Variants in HNF4G observed in about 807,000 individuals in gnomAD.
The protein encoded by HNF4G is hepatocyte nuclear factor 4-gamma.
Under a neutral mutation model 50.9 loss-of-function variants are expected in HNF4G, and 21 were observed. The ratio of observed to expected loss-of-function variants is 0.41; its 90% CI spans 0.29 to 0.59. The LOEUF is 0.59. Among genes scored for constraint, HNF4G ranks in the 20% least tolerant of loss-of-function variants. HNF4G has a pLI of 0.26. For missense variants in HNF4G, 527 were observed against 559.4 expected, an observed-to-expected ratio of 0.94 and a Z score of 0.58; for synonymous variants, 198 against 185.6, an observed-to-expected ratio of 1.07 and a Z score of -0.54.
At chr8:75,476,190 TGG>T (rs144999715) in intron 1 of HNF4G, among the ~76,000 whole-genome samples, 5,667 of 152,286 alleles carry the variant, frequency 0.037, 130 homozygotes, top group South Asian at 0.055. Context: ...TTAGAACATG[TGG>T]TATTTGATTT....
intron 2 of HNF4G, among the ~76,000 whole-genome samples, chr8:75,520,497 A>C (rs1806011362): frequency 6.6e-6 from 1 of 151,972 alleles, no homozygotes; most frequent in Admixed American, 6.6e-5. Context: ...GAGTACAGTG[A>C]AATGATCTTG....
intron 2 of HNF4G, among the ~76,000 whole-genome samples, chr8:75,503,976 T>C (rs1017697480): frequency 6.6e-6 from 1 of 152,006 alleles, no homozygotes; most frequent in Non-Finnish European, 1.5e-5. Flanking sequence ...ATTCTGGGTG[T>C]ATTGGGAGGC....
At chr8:75,484,938 TACAG>T (rs1232115453) in intron 1 of HNF4G, among the ~76,000 whole-genome samples, 2 of 152,244 alleles carry the variant, frequency 1.3e-5, no homozygotes, top group African/African-American at 4.8e-5. Flanking sequence ...GCCAGAGTTA[TACAG>T]TAGGCGGACA....
At chr8:75,559,129 C>G in intron 8 of HNF4G, 92 bp downstream of exon 8, 1 of 855,132 alleles carries the variant, frequency 1.2e-6, no homozygotes, top group Non-Finnish European at 1.9e-6. Context: ...TTTAATTCAT[C>G]TACTGAAGTT....
rs138203385 is a variant in HNF4G, at chr8:75,564,066, C to T, written c.1338C>T (p.His446=). 7.1e-5 allele frequency: 115 copies of T among 1,613,388 alleles called. No homozygotes were observed. The highest frequency in any genetic ancestry group is 9.5e-5 in the Non-Finnish European group (112 of 1,179,574). ...IAANQASVIS[H]QHLSKQKQL is the part of the protein sequence containing the mutation. ...CAAACCAAGCATCAGTCATTTCACA[C>T]CAGCATCTCTCCAAACAAAAGCAAT... Residue 446 remains histidine, a synonymous_variant, in exon 10 of 10, where the codon CAC becomes CAT. Transcript: ENST00000396423.
rs58423341 is a variant in HNF4G, at chr8:75,525,939, A to G, written c.-23-17872A>G. Among the ~76,000 whole-genome samples, 1,165 of 152,238 alleles carry G rather than the reference A, an allele frequency of 7.7e-3. 13 individuals carry two copies. The highest frequency in any genetic ancestry group is 0.027 in the African/African-American group (1,107 of 41,528). On this transcript the variant is annotated intron_variant, in intron 2 of 10. Coordinates refer to the HNF4G transcript ENST00000354370. Reference sequence around the variant, plus strand: ...AAAAAAGGGAGTTGTCACAAATGTAAAGGATGAATCAGAAGCATATAATTT... The same window carrying G: ...AAAAAAGGGAGTTGTCACAAATGTAGAGGATGAATCAGAAGCATATAATTT...
intron 2 of HNF4G, among the ~76,000 whole-genome samples, chr8:75,498,051 G>A (rs1189628514): frequency 1.3e-5 from 2 of 151,594 alleles, no homozygotes; most frequent in African/African-American, 4.8e-5. Flanking sequence ...AATCCCTGTC[G>A]GCACACAAGA....
intron 1 of HNF4G, 127 bp from the exon 2 acceptor site, chr8:75,543,684 A>G (rs1007896220): frequency 4.4e-6 from 3 of 681,918 alleles, no homozygotes; most frequent in Non-Finnish European, 7.0e-6. Flanking sequence ...GGTTAAAAGG[A>G]AAGCACCAGT....
chr8:75,486,523 A>G (rs1812501551), intron 1 of HNF4G, among the ~76,000 whole-genome samples: 1 of 152,208 alleles, frequency 6.6e-6, no homozygotes, highest in African/African-American at 2.4e-5. Context: ...GTCCTTGCCT[A>G]AGAGTATTTC....
chr8:75,538,761 G>A (rs895511234), upstream of HNF4G, among the ~76,000 whole-genome samples: 1 of 152,112 alleles, frequency 6.6e-6, no homozygotes, highest in Non-Finnish European at 1.5e-5. Flanking sequence ...GTTTGATTTA[G>A]TGAATCTGGC....
chr8:75,516,589 G>A (rs891695772), intron 2 of HNF4G, among the ~76,000 whole-genome samples: 6 of 152,190 alleles, frequency 3.9e-5, no homozygotes, highest in Non-Finnish European at 8.8e-5. Flanking sequence ...AAAGTTGATT[G>A]ATTGTGTTGG....
chr8:75,551,408 A>G lies in HNF4G; in HGVS notation c.403A>G (p.Arg135Gly), dbSNP rs1209972297. ...CCTAGCTGTACAAAATGAACGTGAC[A>G]GAATAAGCACCAGAAGAAGCACATT... is the stretch of plus-strand genomic sequence containing the variant. ...KKEAVQNERD[R>G]ISTRRSTFDG... The change falls in exon 4 of 10, where the codon AGA (arginine) becomes GGA (glycine). Residue 135 changes from arginine (R) to glycine (G), a missense_variant. By Grantham distance (125) the Arg-to-Gly change is moderately radical (BLOSUM62 -2). Coordinates refer to ENST00000396423, the MANE Select transcript of HNF4G (RefSeq NM_004133.5). 4 of 1,610,642 alleles carry G rather than the reference A, an allele frequency of 2.5e-6. No homozygotes were observed. The highest frequency in any genetic ancestry group is 3.3e-5 in the Admixed American group (2 of 59,926).
At chr8:75,533,567 A>G (rs557871187) in intron 2 of HNF4G, among the ~76,000 whole-genome samples, 52 of 152,038 alleles carry the variant, frequency 3.4e-4, no homozygotes, top group African/African-American at 1.2e-3. Context: ...TATTATATTC[A>G]TATGTTTACT....
At chr8:75,410,519 G>A (rs181381673) in intron 1 of HNF4G, among the ~76,000 whole-genome samples, 36 of 152,154 alleles carry the variant, frequency 2.4e-4, no homozygotes, top group African/African-American at 7.7e-4. Context: ...AGAATCTACC[G>A]CATTTGTTAC....
intron 1 of HNF4G, among the ~76,000 whole-genome samples, chr8:75,472,445 T>C (rs1812136991): frequency 6.6e-6 from 1 of 152,122 alleles, no homozygotes; most frequent in Admixed American, 6.5e-5. Context: ...CCTCTCAACT[T>C]GCAGATGGAA....
Position 75,564,234 on chromosome 8 carries a change from T to C in HNF4G, c.*138T>C. 1 of 789,482 alleles carries C rather than the reference T, an allele frequency of 1.3e-6. No homozygotes were observed. The highest frequency in any genetic ancestry group is 2.7e-5 in the Admixed American group (1 of 37,294). The allele number at this position is 789,482 out of a possible 1,614,324, so 48.9% of individuals were successfully genotyped here. A position where few individuals can be genotyped will look rare whatever the true frequency, so the allele number is the denominator to read the frequency against. On this transcript the variant is annotated 3_prime_UTR_variant, in exon 10 of 10. Transcript: ENST00000396423. ...GTTATAAGATGGTGTCCTATTTTCT[T>C]GTTTATACGTTCATTCTGTTTGTTA... is the stretch of plus-strand genomic sequence containing the variant.
At chr8:75,432,727 A>C (rs906992024) in intron 1 of HNF4G, among the ~76,000 whole-genome samples, 2 of 152,018 alleles carry the variant, frequency 1.3e-5, no homozygotes, top group African/African-American at 2.4e-5. Flanking sequence ...TTTTTTTAAG[A>C]CTCATCTAAG....
At chr8:75,530,903 C>T (rs1329622304) in intron 2 of HNF4G, among the ~76,000 whole-genome samples, 1 of 151,140 alleles carries the variant, frequency 6.6e-6, no homozygotes, top group East Asian at 2.0e-4. Flanking sequence ...AGTGATTCTC[C>T]CACCTCAGCC....
At chr8:75,501,925 T>C (rs2130706623) in intron 2 of HNF4G, among the ~76,000 whole-genome samples, 1 of 151,680 alleles carries the variant, frequency 6.6e-6, no homozygotes, top group African/African-American at 2.4e-5. Context: ...CAATCTCGGC[T>C]CACTGCAACC....
Sources: allele counts gnomAD v4.1 joint callset (sites outside exome capture counted in the v4.1 genomes callset), GRCh38; gene constraint gnomAD v4.1.1; transcripts MANE v1.5; gene names NCBI Gene and HGNC (gene_info 2026-07-23, HGNC 2026-07-21).